NFIB: variants seen among roughly 807,000 people sequenced by gnomAD.
NFIB encodes nuclear factor I B.
NFIB carries 11 observed loss-of-function variants against 61.5 expected under a neutral mutation model. That is an observed-to-expected ratio of 0.18 (90% CI 0.11 to 0.30). The LOEUF is 0.30. NFIB is among the 10% of genes least tolerant of loss of function. The probability of loss-of-function intolerance (pLI) is 1.00; values close to 1 mark genes in which losing one functional copy is unlikely to be tolerated. For missense variants in NFIB, 471 were observed against 608.9 expected, an observed-to-expected ratio of 0.77 and a Z score of 2.38; for synonymous variants, 260 against 216.5, an observed-to-expected ratio of 1.20 and a Z score of -1.76.
At chr9:14,104,052 G>A (rs1306930166) in intron 10 of NFIB, among the ~76,000 whole-genome samples, 1 of 151,948 alleles carries the variant, frequency 6.6e-6, no homozygotes, top group African/African-American at 2.4e-5. Context: ...CAAGTAGCTG[G>A]GATTACAGGA....
At chr9:14,395,686 C>A (rs1221133564) in intron 1 of NFIB, among the ~76,000 whole-genome samples, 1 of 141,974 alleles carries the variant, frequency 7.0e-6, no homozygotes, top group Non-Finnish European at 1.5e-5. Flanking sequence ...GTAAAAAATT[C>A]TTCCTCATCC....
chr9:14,099,323 T>C (rs2035365531), intron 10 of NFIB, among the ~76,000 whole-genome samples: 1 of 152,170 alleles, frequency 6.6e-6, no homozygotes, highest in South Asian at 2.1e-4. Context: ...GACCTATATT[T>C]CTTAAATATT....
intron 2 of NFIB, among the ~76,000 whole-genome samples, chr9:14,238,536 T>C (rs954945308): frequency 1.3e-5 from 2 of 152,182 alleles, no homozygotes; most frequent in African/African-American, 4.8e-5. Context: ...ATTTTCACAT[T>C]GGTTGTTTCA....
intron 1 of NFIB, among the ~76,000 whole-genome samples, chr9:14,395,245 C>T (rs1177321669): frequency 6.8e-6 from 1 of 147,286 alleles, no homozygotes; most frequent in Non-Finnish European, 1.5e-5. Flanking sequence ...GTTTTGGATG[C>T]TGTGATTTTT....
the NFIB span, among the ~76,000 whole-genome samples, chr9:14,415,827 G>A: frequency 6.6e-5 from 10 of 152,124 alleles, no homozygotes; most frequent in South Asian, 4.1e-4. Flanking sequence ...AGACACCCCC[G>A]TATGGTACAG....
chr9:14,170,882 G>A (rs924204110), intron 3 of NFIB, among the ~76,000 whole-genome samples: 1 of 152,174 alleles, frequency 6.6e-6, no homozygotes, highest in Admixed American at 6.5e-5. Context: ...CCTCTTGGAA[G>A]TTTTCTGGAA....
chr9:14,285,573 G>C (rs2058657616), intron 2 of NFIB, among the ~76,000 whole-genome samples: 1 of 152,178 alleles, frequency 6.6e-6, no homozygotes, highest in African/African-American at 2.4e-5. Context: ...TAAGAAAGAA[G>C]TCCAGCGATA....
the NFIB span, among the ~76,000 whole-genome samples, chr9:14,433,911 C>T: frequency 6.6e-6 from 1 of 152,172 alleles, no homozygotes; most frequent in Non-Finnish European, 1.5e-5. Context: ...GGATCAGCCT[C>T]GTTCTCTTCC....
intron 1 of NFIB, among the ~76,000 whole-genome samples, chr9:14,355,370 T>C (rs1209078579): frequency 6.6e-6 from 1 of 152,184 alleles, no homozygotes; most frequent in African/African-American, 2.4e-5. Flanking sequence ...GCTGACAACT[T>C]GATCTCAGAC....
intron 10 of NFIB, among the ~76,000 whole-genome samples, chr9:14,088,932 CAG>C (rs1378918571): frequency 6.6e-6 from 1 of 152,082 alleles, no homozygotes; most frequent in Middle Eastern, 3.2e-3. Context: ...ATACCTTAAT[CAG>C]AGTTTTTTAG....
At chr9:14,451,721 T>C in the NFIB span, among the ~76,000 whole-genome samples, 8 of 152,346 alleles carry the variant, frequency 5.3e-5, no homozygotes, top group Non-Finnish European at 1.2e-4. Flanking sequence ...AGTCTCCCAT[T>C]TAACATAGAA....
At chr9:14,191,989 A>T (rs946616714) in intron 2 of NFIB, among the ~76,000 whole-genome samples, 3 of 152,202 alleles carry the variant, frequency 2.0e-5, no homozygotes, top group African/African-American at 4.8e-5. Flanking sequence ...AGTTCTAGAT[A>T]GTGCTTGGTT....
intron 3 of NFIB, among the ~76,000 whole-genome samples, chr9:14,173,888 TAGA>T (rs1423683794): frequency 1.3e-5 from 2 of 152,220 alleles, no homozygotes; most frequent in Non-Finnish European, 2.9e-5. Context: ...ATAATCAGGC[TAGA>T]AGCACTGTGG....
At chr9:14,293,765 T>C (rs918339914) in intron 2 of NFIB, among the ~76,000 whole-genome samples, 12 of 152,182 alleles carry the variant, frequency 7.9e-5, no homozygotes, top group Admixed American at 7.2e-4. Context: ...TCCTGGATAT[T>C]AGATTGAAAA....
At position 14,116,331 on chromosome 9, in the gene NFIB, G is replaced by C; in HGVS notation, c.1261C>G (p.Gln421Glu). The stretch of plus-strand genomic sequence containing the variant: ...TGGCCAGGCACTTTCCCTACTACTT[G>C]ACCACTGCCGTTAGGCTACAAAACA... ...PQTSQPNGSG[Q>E]VVGKVPGHFT... Residue 421 changes from glutamine to glutamate, a missense_variant, in exon 9 of 11, where the codon CAA (glutamine) becomes GAA (glutamate). This residue lies in a region of NFIB where 372 missense variants were observed against 395.6 expected (regional missense o/e 0.94). Transcript: ENST00000380953. The C allele has an allele frequency of 6.6e-7, 1 of 1,518,704 alleles. No homozygotes were observed. Among genetic ancestry groups the C allele is most frequent in the Non-Finnish European group, 8.8e-7 (1 of 1,131,854 alleles). The allele number at this position is 1,518,704 out of a possible 1,614,324, so 94.1% of individuals were successfully genotyped here.
At chr9:14,095,524 T>G (rs368512246) in intron 10 of NFIB, among the ~76,000 whole-genome samples, 2 of 152,154 alleles carry the variant, frequency 1.3e-5, no homozygotes, top group East Asian at 1.9e-4. Flanking sequence ...TTAAAAGTGG[T>G]ACTGCTCCTC....
chr9:14,395,371 G>C (rs1167519922), intron 1 of NFIB, among the ~76,000 whole-genome samples: 1 of 151,684 alleles, frequency 6.6e-6, no homozygotes, highest in Non-Finnish European at 1.5e-5. Context: ...AGAAAGTTTG[G>C]ATCCTGTTTG....
At chr9:14,421,132 T>A in the NFIB span, among the ~76,000 whole-genome samples, 1 of 151,692 alleles carries the variant, frequency 6.6e-6, no homozygotes, top group Non-Finnish European at 1.5e-5. Flanking sequence ...AACTGTAGCA[T>A]TCATAAAGAG....
At chr9:14,463,625 C>G in the NFIB span, among the ~76,000 whole-genome samples, 1 of 147,586 alleles carries the variant, frequency 6.8e-6, no homozygotes, top group Non-Finnish European at 1.5e-5. Context: ...AGATGCTATT[C>G]GGATCATTTA....
Sources: allele counts gnomAD v4.1 joint callset (sites outside exome capture counted in the v4.1 genomes callset), GRCh38; gene constraint gnomAD v4.1.1; regional missense constraint gnomAD v4.1.1; transcripts MANE v1.5; gene names NCBI Gene and HGNC (gene_info 2026-07-23, HGNC 2026-07-21).